The following ATRIP variants were observed in gnomAD, a reference collection of about 807,000 sequenced individuals.
ATRIP encodes the protein ATR-interacting protein.
Under a neutral mutation model 78.1 loss-of-function variants are expected in ATRIP, and 44 were observed. That is an observed-to-expected ratio of 0.56 (90% CI 0.44 to 0.72). ATRIP has a LOEUF of 0.72. ATRIP is among the 30% of genes least tolerant of loss of function. ATRIP has a pLI of 0.00. For synonymous variants in ATRIP, 388 were observed against 408.9 expected, an observed-to-expected ratio of 0.95 and a Z score of 0.62; for missense variants, 927 against 980.2, an observed-to-expected ratio of 0.95 and a Z score of 0.72.
At chr3:48,458,472 G>C (rs923763963) in intron 5 of ATRIP, among the ~76,000 whole-genome samples, 3 of 151,932 alleles carry the variant, frequency 2.0e-5, no homozygotes, top group Non-Finnish European at 4.4e-5. Context: ...ACAGGCATGC[G>C]CCACCACACC....
chr3:48,452,405 C>G (rs536829341), intron 3 of ATRIP, among the ~76,000 whole-genome samples: 63 of 152,200 alleles, frequency 4.1e-4, no homozygotes, highest in African/African-American at 1.4e-3. Context: ...GACTTAGGGC[C>G]ACATGCAGTG....
At position 48,465,299 on chromosome 3, in the gene ATRIP, C is replaced by T. The variant is rs149258162; in HGVS notation, c.2309-188C>T. 4.0e-3 allele frequency among the ~76,000 whole-genome samples: 615 copies of T among 152,338 alleles called. 4 individuals carry two copies. Among genetic ancestry groups the T allele is most frequent in the South Asian group, 0.016 (79 of 4,830 alleles). ...CTGTTGAGTGTGCCTGGCAGAGCCA[C>T]GGTTTTTCCAGAAATAGCCGTGTCT... On this transcript the variant is annotated intron_variant, in intron 12 of 12. Transcript: ENST00000320211.
chr3:48,450,589 ATTTTTTTT>A, intron 2 of ATRIP: 2 of 986,130 alleles, frequency 2.0e-6, no homozygotes, highest in Non-Finnish European at 2.6e-6. Flanking sequence ...TGTGACCCAG[ATTTTTTTT>A]TTTTTTTTTT....
rs541251539 is a variant in ATRIP at position 48,467,621 on chromosome 3, G to A, written c.*2067G>A. ...AGTAGGCCAAGAAGGAAAATCTGAC[G>A]AATAAAGACCCCCGCTGCCCCATAG... On this transcript the variant is annotated 3_prime_UTR_variant, in exon 13 of 13. Transcript: ENST00000320211. 4.6e-5 allele frequency: 74 copies of A among 1,605,376 alleles called. No individual in the cohort carries two copies. In the East Asian group the frequency reaches 9.2e-4, roughly 20 times the overall value.
intron 10 of ATRIP, 84 bp from the exon 11 acceptor site, chr3:48,464,498 T>C: frequency 7.1e-7 from 1 of 1,415,476 alleles, no homozygotes; most frequent in Non-Finnish European, 1.0e-6. Flanking sequence ...CTGAAGCAAG[T>C]GAACTCTTAT....
At position 48,465,694 on chromosome 3, in the gene ATRIP, G is replaced by C; in HGVS notation, c.*140G>C. 6 of 854,078 alleles carry C rather than the reference G, an allele frequency of 7.0e-6. No individual in the cohort carries two copies. The highest frequency in any genetic ancestry group is 9.1e-6 in the Non-Finnish European group (5 of 550,650). The allele number at this position is 854,078 out of a possible 1,614,324, so 52.9% of individuals were successfully genotyped here. On this transcript the variant is annotated 3_prime_UTR_variant, in exon 13 of 13. Transcript: ENST00000320211. Reference sequence around the variant, plus strand: ...CTGAGTCTGATCTGTTTGGCGGAGTGGGAGGGGTGGAGCAGGACCCGGACC... The same window carrying C: ...CTGAGTCTGATCTGTTTGGCGGAGTCGGAGGGGTGGAGCAGGACCCGGACC...
rs771725714 is a variant in ATRIP, at chr3:48,466,645, C to T, written c.*1091C>T. ...TCCTCTCCAGGCTCAGCAGCAGGTA[C>T]GTACCCAACCATGGGCTCGCAGGCC... On this transcript the variant is annotated 3_prime_UTR_variant, in exon 13 of 13. Transcript: ENST00000320211. The T allele has an allele frequency of 7.4e-6, 12 of 1,614,026 alleles. No individual in the cohort carries two copies. The highest frequency in any genetic ancestry group is 6.7e-5 in the East Asian group (3 of 44,866).
Position 48,446,746 on chromosome 3 carries a change from G to C in ATRIP, c.-100G>C. 2 of 1,308,236 alleles carry C rather than the reference G, an allele frequency of 1.5e-6. No individual in the cohort carries two copies. Among genetic ancestry groups the C allele is most frequent in the Non-Finnish European group, 2.0e-6 (2 of 1,024,558 alleles). The allele number at this position is 1,308,236 out of a possible 1,614,324, so 81.0% of individuals were successfully genotyped here. On this transcript the variant is annotated 5_prime_UTR_variant, in exon 1 of 13. Transcript: ENST00000320211. ...GGGCCAGGGGCGGGGCACTCGCGGC[G>C]GAGGCAAGCGGCGGCGCGCGGACGG...
At position 48,460,691 on chromosome 3, in the gene ATRIP, T is replaced by G. The variant is rs370159384; in HGVS notation, c.1637T>G (p.Leu546Trp). ...CTGTTGAAGATGCTTCTTCACCTGT[T>G]GGCTTTCTCTTCTGCAGCAACAGGT... ...HPLLKMLLHLLAFSSAATGHL... is the reference protein window; with the variant it reads ...HPLLKMLLHLWAFSSAATGHL... The change falls in exon 8 of 13, where the codon TTG becomes TGG. Residue 546 changes from leucine (L) to tryptophan (W), a missense_variant. By Grantham distance (61) the Leu-to-Trp change is moderately conservative. Transcript: ENST00000320211. 7.9e-5 allele frequency: 127 copies of G among 1,613,990 alleles called. No individual in the cohort carries two copies. Among genetic ancestry groups the G allele is most frequent in the Non-Finnish European group, 1.0e-4 (121 of 1,179,952 alleles).
At chr3:48,456,636 T>A (rs1422633049) in intron 4 of ATRIP, among the ~76,000 whole-genome samples, 1 of 149,768 alleles carries the variant, frequency 6.7e-6, no homozygotes, top group African/African-American at 2.5e-5. Flanking sequence ...GCCATGTTGA[T>A]GTGTGCCTGT....
chr3:48,465,019 T>G lies in ATRIP; in HGVS notation c.2244T>G (p.Phe748Leu). 6.2e-7 allele frequency: 1 copy of G among 1,613,952 alleles called. No individual in the cohort carries two copies. The highest frequency in any genetic ancestry group is 1.1e-5 in the South Asian group (1 of 91,090). The change falls in exon 12 of 13, where the codon TTT becomes TTG. Residue 748 changes from phenylalanine (F) to leucine (L), a missense_variant. Phe to Leu is a conservative substitution (Grantham distance 22). Coordinates refer to ENST00000320211, the MANE Select transcript of ATRIP (RefSeq NM_130384.3). ...MMHCVEVLHQ[F>L]DQVMPGVSML... ...ACTGCGTGGAGGTCCTGCATCAGTTTGACCAGGTGATGCCGGGGGTCAGCA... is the reference window on the plus strand; with the variant it reads ...ACTGCGTGGAGGTCCTGCATCAGTTGGACCAGGTGATGCCGGGGGTCAGCA...
chr3:48,463,006 G>C (rs1232093116), intron 8 of ATRIP, among the ~76,000 whole-genome samples: 1 of 152,182 alleles, frequency 6.6e-6, no homozygotes, highest in Non-Finnish European at 1.5e-5. Flanking sequence ...GACCTTCTGT[G>C]CTTAGAAACT....
In ATRIP at chr3:48,465,624, C is replaced by T; in HGVS notation, c.*70C>T. On this transcript the variant is annotated 3_prime_UTR_variant, in exon 13 of 13. Coordinates refer to ENST00000320211, the MANE Select transcript of ATRIP (RefSeq NM_130384.3). ...TCCTTACCACATCAACTGATTAAAG[C>T]AGTGACCAGCAGGAACTGCCCAGAG... The T allele has an allele frequency of 2.8e-6, 4 of 1,453,818 alleles. No homozygotes were observed. The Admixed American group carries it at 6.8e-5, about 25-fold the overall frequency. The allele number at this position is 1,453,818 out of a possible 1,614,324, so 90.1% of individuals were successfully genotyped here.
Position 48,447,108 on chromosome 3 carries a change from G to C in ATRIP, c.247+16G>C, listed in dbSNP as rs370892766. ...GACGTGTCCAGTGAGTGCTCCTCGC[G>C]GCCTTTTGCTCGGAGGGAGTTGTCA... On this transcript the variant is annotated intron_variant, in intron 1 of 12. Coordinates refer to ENST00000320211, the MANE Select transcript of ATRIP (RefSeq NM_130384.3). 26 of 1,502,596 alleles carry C rather than the reference G, an allele frequency of 1.7e-5. No homozygotes were observed. In the Middle Eastern group the frequency reaches 5.2e-4, roughly 30 times the overall value. 93.1% of individuals were successfully genotyped at this position (1,502,596 alleles called of 1,614,324 possible).
intron 3 of ATRIP, 42 bp from the exon 4 acceptor site, chr3:48,454,258 A>G: frequency 8.6e-7 from 1 of 1,164,822 alleles, no homozygotes; most frequent in Non-Finnish European, 1.3e-6. Context: ...ATTTTTGTGT[A>G]TATGATGGGA....
intron 2 of ATRIP, 112 bp downstream of exon 2, chr3:48,450,282 A>C: frequency 7.5e-7 from 1 of 1,330,256 alleles, no homozygotes; most frequent in South Asian, 1.4e-5. Flanking sequence ...ATTCATCCCT[A>C]TGACATGGGA....
chr3:48,455,971 A>T (rs1306545584), intron 4 of ATRIP, among the ~76,000 whole-genome samples: 2 of 152,066 alleles, frequency 1.3e-5, no homozygotes, highest in Non-Finnish European at 2.9e-5. Flanking sequence ...AAATATAAAA[A>T]TTAGCTGGGC....
rs200771256 is a variant in ATRIP at position 48,463,717 on chromosome 3, C to T, written c.1746-28C>T. 2.0e-5 allele frequency: 32 copies of T among 1,613,204 alleles called. No individual in the cohort carries two copies. The East Asian group carries it at 6.2e-4, about 31-fold the overall frequency. ...TTATGGAGCTGGGGTTGGGGAGTGT[C>T]ACGTCTCTCTGGGTCCCTGTCTTTT... On this transcript the variant is annotated intron_variant, in intron 8 of 12. Coordinates refer to ENST00000320211, the MANE Select transcript of ATRIP (RefSeq NM_130384.3).
At position 48,464,024 on chromosome 3, in the gene ATRIP, T is replaced by TG; in HGVS notation, c.1883-16dup. 6.2e-7 allele frequency: 1 copy of TG among 1,611,648 alleles called. No homozygotes were observed. The highest frequency in any genetic ancestry group is 8.5e-7 in the Non-Finnish European group (1 of 1,178,758). Reference sequence around the variant, plus strand: ...GAGAAAGGGCACCCTGAGTGAGAGGTGCGCTGTCCTTTTCAGAAGGCTGCC... The same window carrying TG: ...GAGAAAGGGCACCCTGAGTGAGAGGTGGCGCTGTCCTTTTCAGAAGGCTGCC... On this transcript the variant is annotated splice_polypyrimidine_tract_variant and intron_variant, in intron 9 of 12. Transcript: ENST00000320211.
Sources: allele counts gnomAD v4.1 joint callset (sites outside exome capture counted in the v4.1 genomes callset), GRCh38; gene constraint gnomAD v4.1.1; transcripts MANE v1.5; gene names NCBI Gene and HGNC (gene_info 2026-07-23, HGNC 2026-07-21).